Variants in NXN observed in about 807,000 individuals in gnomAD.
NXN encodes nucleoredoxin.
A neutral mutation model predicts 48.6 loss-of-function variants in NXN; 16 were observed. That is an observed-to-expected ratio of 0.33 (90% confidence interval 0.22 to 0.50). The LOEUF is 0.50. NXN is among the 20% of genes least tolerant of loss of function. The pLI is 0.98. For missense variants in NXN, 492 were observed against 605.5 expected (o/e 0.81, Z 1.97); for synonymous variants, 281 against 269.6 (o/e 1.04, Z -0.41).
At chr17:846,428 A>G (rs946993437) in intron 1 of NXN, among the ~76,000 whole-genome samples, 71 of 149,470 alleles carry the variant, frequency 4.8e-4, no homozygotes, top group Non-Finnish European at 7.1e-4. Context: ...AAAAAAAAAA[A>G]AAAGAAAAGA....
chr17:853,723 A>ATATATATATATATATATATATT (rs1491528474), intron 1 of NXN, among the ~76,000 whole-genome samples: 5 of 105,974 alleles, frequency 4.7e-5, no homozygotes, highest in Non-Finnish European at 8.9e-5. Context: ...ATATATATAT[A>ATATATATATATATATATATATT]TTTTTTTTTT....
intron 1 of NXN, among the ~76,000 whole-genome samples, chr17:872,489 G>C (rs1056816011): frequency 6.9e-6 from 1 of 144,338 alleles, no homozygotes; most frequent in Non-Finnish European, 1.6e-5. Context: ...GAGAGAGTGT[G>C]TTTGAGGAAA....
rs1219907053 is a variant in NXN at position 821,217 on chromosome 17, GA to G, written c.713+1139del. On this transcript the variant is annotated intron_variant, in intron 4 of 7. Transcript: ENST00000336868. ...GTGCCCTGTGTGTGCCGGCATCTCG[GA>G]TCCTTTTGGGAACAGGAACATAAGC... 2.6e-5 allele frequency among the ~76,000 whole-genome samples: 2 copies of G among 77,746 alleles called. 1 individual carries two copies. The highest frequency in any genetic ancestry group is 1.6e-4 in the African/African-American group (2 of 12,832). The allele number at this position is 77,746 out of a possible 152,430, so 51.0% of individuals were successfully genotyped here.
At chr17:846,482 G>A (rs868242039) in intron 1 of NXN, among the ~76,000 whole-genome samples, 5 of 151,854 alleles carry the variant, frequency 3.3e-5, no homozygotes, top group African/African-American at 1.2e-4. Context: ...ACGAACAAAG[G>A]ACTTTTAGCA....
chr17:857,487 C>A (rs945112342), intron 1 of NXN, among the ~76,000 whole-genome samples: 5 of 152,290 alleles, frequency 3.3e-5, no homozygotes, highest in South Asian at 2.1e-4. Context: ...TCTCGAACTC[C>A]TGCCCTCAGA....
At chr17:885,910 G>A (rs557962114) in intron 1 of NXN, among the ~76,000 whole-genome samples, 4 of 151,314 alleles carry the variant, frequency 2.6e-5, no homozygotes, top group Non-Finnish European at 5.9e-5. Flanking sequence ...GGATGGTCTC[G>A]ATCTCCTGAC....
intron 1 of NXN, among the ~76,000 whole-genome samples, chr17:947,960 A>C (rs996712507): frequency 2.6e-5 from 4 of 151,234 alleles, no homozygotes; most frequent in African/African-American, 9.7e-5. Context: ...CTGAGGCAGG[A>C]GAATTGCTTA....
At chr17:903,584 T>C (rs2068556532) in intron 1 of NXN, among the ~76,000 whole-genome samples, 1 of 151,588 alleles carries the variant, frequency 6.6e-6, no homozygotes, top group South Asian at 2.1e-4. Context: ...TGTTTTGCCT[T>C]GTTGCACAGG....
intron 1 of NXN, among the ~76,000 whole-genome samples, chr17:897,488 T>C (rs1170314454): frequency 6.6e-6 from 1 of 152,148 alleles, no homozygotes; most frequent in Non-Finnish European, 1.5e-5. Context: ...GTAAATTGAA[T>C]AAGGGAAGGA....
chr17:870,992 C>G (rs917506213), intron 1 of NXN, among the ~76,000 whole-genome samples: 10 of 151,280 alleles, frequency 6.6e-5, no homozygotes, highest in South Asian at 2.1e-4. Context: ...CCGAGTAGCT[C>G]GGACTACAGG....
At chr17:879,145 A>G (rs148847962) in intron 1 of NXN, among the ~76,000 whole-genome samples, 5,365 of 152,166 alleles carry the variant, frequency 0.035, 121 homozygotes, top group African/African-American at 0.07. Flanking sequence ...AGCCTGGGCA[A>G]CAAGAGAGAA....
At chr17:889,747 GAAAGAAAGAAAGAAAA>G (rs1406105047) in intron 1 of NXN, among the ~76,000 whole-genome samples, 2,044 of 79,710 alleles carry the variant, frequency 0.026, 68 homozygotes, top group African/African-American at 0.057. Flanking sequence ...AAGAAAGAAA[GAAAGAAAGAAAGAAAA>G]AGAAAGAAAG....
intron 5 of NXN, among the ~76,000 whole-genome samples, chr17:810,920 G>T (rs1197408659): frequency 6.6e-6 from 1 of 152,098 alleles, no homozygotes; most frequent in East Asian, 1.9e-4. Context: ...ACACATAAAA[G>T]AGAACTGCAA....
At chr17:905,985 A>G (rs1239207825) in intron 1 of NXN, among the ~76,000 whole-genome samples, 1 of 152,052 alleles carries the variant, frequency 6.6e-6, no homozygotes, top group African/African-American at 2.4e-5. Context: ...TCAAAAAAAA[A>G]AAAAAGAAAA....
At chr17:863,919 T>C (rs1054282488) in intron 1 of NXN, 5 of 1,485,066 alleles carry the variant, frequency 3.4e-6, no homozygotes, top group Non-Finnish European at 3.6e-6. Flanking sequence ...GTCAGGCTCA[T>C]ACAGTGTGTT....
intron 1 of NXN, among the ~76,000 whole-genome samples, chr17:854,788 G>A (rs1483673561): frequency 1.3e-5 from 2 of 151,230 alleles, no homozygotes; most frequent in Non-Finnish European, 1.5e-5. Context: ...GTGAAACCCC[G>A]TCTCTACTAA....
intron 1 of NXN, among the ~76,000 whole-genome samples, chr17:951,426 C>T (rs2069109263): frequency 6.6e-6 from 1 of 151,840 alleles, no homozygotes; most frequent in African/African-American, 2.4e-5. Flanking sequence ...AGTGTTGCAA[C>T]GATCGCACGA....
intron 1 of NXN, among the ~76,000 whole-genome samples, chr17:935,259 G>T (rs190056325): frequency 3.2e-4 from 45 of 140,808 alleles, no homozygotes; most frequent in African/African-American, 9.9e-4. Context: ...CTCCCAAAGT[G>T]CTGGAATTAC....
chr17:828,916 A>AG (rs35864918), intron 1 of NXN, among the ~76,000 whole-genome samples: 106,224 of 151,608 alleles, frequency 0.7, 38,737 homozygotes, highest in African/African-American at 0.91. Flanking sequence ...GAATTCTTGG[A>AG]GAAAAAAAAT....
Sources: allele counts gnomAD v4.1 joint callset (sites outside exome capture counted in the v4.1 genomes callset), GRCh38; gene constraint gnomAD v4.1.1; transcripts MANE v1.5; gene names NCBI Gene and HGNC (gene_info 2026-07-23, HGNC 2026-07-21).